The following AFF3 variants were observed in gnomAD, a reference collection of about 807,000 sequenced individuals.
AFF3 encodes ALF transcription elongation factor 3.
AFF3 carries 32 observed loss-of-function variants against 129.7 expected under a neutral mutation model. That is an observed-to-expected ratio of 0.25 (90% CI 0.19 to 0.33). The LOEUF (loss-of-function observed/expected upper bound fraction) is 0.33, where lower values mean the gene tolerates loss of function less well. Among genes scored for constraint, AFF3 ranks in the 10% least tolerant of loss-of-function variants. AFF3 has a pLI of 1.00. For missense variants in AFF3, 1,373 were observed against 1,592.0 expected, an observed-to-expected ratio of 0.86 and a Z score of 2.34; for synonymous variants, 644 against 635.4, an observed-to-expected ratio of 1.01 and a Z score of -0.20.
At chr2:99,781,018 G>A (rs1684363425) in intron 8 of AFF3, among the ~76,000 whole-genome samples, 1 of 152,176 alleles carries the variant, frequency 6.6e-6, no homozygotes, top group South Asian at 2.1e-4. Context: ...ATCTTATGGA[G>A]AATGAAACCC....
intron 7 of AFF3, among the ~76,000 whole-genome samples, chr2:99,849,491 G>A (rs1323770578): frequency 2.6e-5 from 4 of 152,014 alleles, no homozygotes; most frequent in African/African-American, 7.2e-5. Context: ...CGGTGGGGGC[G>A]TCATCTGATT....
intron 5 of AFF3, among the ~76,000 whole-genome samples, chr2:100,008,529 G>A (rs116192135): frequency 0.024 from 3,711 of 152,234 alleles, 155 homozygotes; most frequent in African/African-American, 0.086. Flanking sequence ...ATATGTCAAC[G>A]CGGAGATGAA....
intron 8 of AFF3, among the ~76,000 whole-genome samples, chr2:99,816,449 T>G (rs62147568): frequency 0.018 from 2,766 of 152,332 alleles, 41 homozygotes; most frequent in Non-Finnish European, 0.027. Flanking sequence ...GGACAGTGGA[T>G]TCCAGGTAAG....
At chr2:99,953,210 G>T (rs1676326370) in intron 7 of AFF3, among the ~76,000 whole-genome samples, 1 of 152,104 alleles carries the variant, frequency 6.6e-6, no homozygotes, top group African/African-American at 2.4e-5. Context: ...TGGGGATGGG[G>T]GACTGGGACG....
chr2:100,052,818 G>A (rs2105156335), intron 4 of AFF3, among the ~76,000 whole-genome samples: 1 of 152,354 alleles, frequency 6.6e-6, no homozygotes, highest in East Asian at 1.9e-4. Context: ...ACAGGGCGCT[G>A]CACCTGCTCA....
rs1015574219 is a variant in AFF3 at position 99,857,976 on chromosome 2, T to C, written c.874-20452A>G. Among the ~76,000 whole-genome samples, 7 of 152,226 alleles carry C rather than the reference T, an allele frequency of 4.6e-5. No homozygotes were observed. The East Asian group carries it at 1.4e-3, about 29-fold the overall frequency. On this transcript the variant is annotated intron_variant, in intron 7 of 24. Coordinates refer to ENST00000672756, the MANE Select transcript of AFF3 (RefSeq NM_001386135.1). ...TCCTCCCACTGTGGATGGAATATCC[T>C]CCCCTACCCCTTGAGTTTGGTTGGT...
At chr2:100,114,399 T>C (rs1691645198) in intron 2 of AFF3, among the ~76,000 whole-genome samples, 1 of 152,204 alleles carries the variant, frequency 6.6e-6, no homozygotes, top group African/African-American at 2.4e-5. Context: ...TGTGTTTTTC[T>C]GAGACAGAGT....
intron 8 of AFF3, among the ~76,000 whole-genome samples, chr2:99,828,753 A>G (rs1688299986): frequency 6.6e-6 from 1 of 152,188 alleles, no homozygotes; most frequent in Admixed American, 6.5e-5. Flanking sequence ...TGGAATTCCT[A>G]GGTCAGAGTG....
chr2:100,124,738 G>GA, intron 2 of AFF3, among the ~76,000 whole-genome samples: 1 of 151,944 alleles, frequency 6.6e-6, no homozygotes, highest in Non-Finnish European at 1.5e-5. Context: ...ATTAATCAAG[G>GA]GCAACTAATG....
At chr2:100,051,771 G>A (rs932654581) in intron 4 of AFF3, among the ~76,000 whole-genome samples, 1 of 152,188 alleles carries the variant, frequency 6.6e-6, no homozygotes, top group African/African-American at 2.4e-5. Context: ...GATAAAGGGA[G>A]GTTACTGAAG....
At chr2:99,617,202 C>T (rs571433460) in intron 13 of AFF3, among the ~76,000 whole-genome samples, 1 of 152,178 alleles carries the variant, frequency 6.6e-6, no homozygotes, top group African/African-American at 2.4e-5. Flanking sequence ...CCTTTGTTAA[C>T]TCTAAGTTTA....
intron 7 of AFF3, among the ~76,000 whole-genome samples, chr2:99,908,852 T>C (rs911684022): frequency 1.3e-5 from 2 of 152,138 alleles, no homozygotes; most frequent in African/African-American, 4.8e-5. Context: ...TGTGGAGAAA[T>C]AGGAACACTT....
At chr2:99,667,573 C>T (rs950014150) in intron 12 of AFF3, among the ~76,000 whole-genome samples, 1 of 152,090 alleles carries the variant, frequency 6.6e-6, no homozygotes, top group Non-Finnish European at 1.5e-5. Context: ...CAAGCTAGTT[C>T]TTTCAAAAGA....
chr2:99,707,128 T>C (rs1677475404), intron 11 of AFF3: 1 of 985,430 alleles, frequency 1.0e-6, no homozygotes, highest in Non-Finnish European at 1.2e-6. Flanking sequence ...GCTCCAGTTG[T>C]GGCTTAGCAA....
intron 13 of AFF3, among the ~76,000 whole-genome samples, chr2:99,641,916 T>C (rs1440639151): frequency 1.3e-5 from 2 of 152,194 alleles, no homozygotes; most frequent in Non-Finnish European, 2.9e-5. Flanking sequence ...TGCACAAGCC[T>C]ACATGTCCTC....
chr2:99,829,908 A>C (rs943045781), intron 8 of AFF3, among the ~76,000 whole-genome samples: 9 of 152,246 alleles, frequency 5.9e-5, no homozygotes, highest in Admixed American at 5.9e-4. Context: ...AGACTGGATA[A>C]AGAAAATGTG....
rs190013265 is a variant in AFF3 at position 99,785,336 on chromosome 2, T to C, written c.922-33035A>G. ...GTGCCACACTCACATTAAACGGCCA[T>C]TTCCAAATTTAAAGTAATAGCACAG... On this transcript the variant is annotated intron_variant, in intron 8 of 24. Transcript: ENST00000672756. Among the ~76,000 whole-genome samples, 39 of 152,324 alleles carry C rather than the reference T, an allele frequency of 2.6e-4. 1 individual carries two copies. Among genetic ancestry groups the C allele is most frequent in the South Asian group, 1.7e-3 (8 of 4,828 alleles).
intron 11 of AFF3, among the ~76,000 whole-genome samples, chr2:99,675,587 T>G (rs955245170): frequency 6.6e-6 from 1 of 152,218 alleles, no homozygotes; most frequent in African/African-American, 2.4e-5. Flanking sequence ...GGTTTAACAT[T>G]CACAAACAAC....
intron 4 of AFF3, among the ~76,000 whole-genome samples, chr2:100,060,278 T>TA (rs1687162683): frequency 6.6e-6 from 1 of 152,232 alleles, no homozygotes; most frequent in Admixed American, 6.5e-5. Flanking sequence ...TTACATGTGT[T>TA]ACCTCATTAG....
Sources: gnomAD v4.1 joint callset for allele counts (sites outside exome capture counted in the v4.1 genomes callset) on GRCh38, gnomAD v4.1.1 for gene constraint, MANE v1.5 for transcripts, NCBI Gene and HGNC (gene_info 2026-07-23, HGNC 2026-07-21) for gene names.